IL1RAPL1: variants seen among roughly 807,000 people sequenced by gnomAD.
The protein encoded by IL1RAPL1 is interleukin 1 receptor accessory protein like 1, also known as interleukin-1 receptor accessory protein-like 1.
In IL1RAPL1, 3 loss-of-function variants were observed where a neutral mutation model predicts 48.4. That is an observed-to-expected ratio of 0.06 (90% CI 0.03 to 0.16). IL1RAPL1 has a LOEUF of 0.16. Ranked by LOEUF, IL1RAPL1 falls within the 10% of genes least tolerant of loss-of-function variation. The pLI is 1.00. For synonymous variants in IL1RAPL1, 185 were observed against 187.7 expected, an observed-to-expected ratio of 0.99 and a Z score of 0.12; for missense variants, 349 against 530.6, an observed-to-expected ratio of 0.66 and a Z score of 3.36.
chrX:28,901,528 A>G (rs1489680812), intron 2 of IL1RAPL1, among the ~76,000 whole-genome samples: 2 of 111,199 alleles, frequency 1.8e-5, no homozygotes, highest in Non-Finnish European at 3.8e-5. Context: ...CTTTTCTTCA[A>G]TCCTTCCTGC....
chrX:29,022,402 T>G (rs1425448332), intron 2 of IL1RAPL1, among the ~76,000 whole-genome samples: 1 of 112,034 alleles, frequency 8.9e-6, no homozygotes, highest in Non-Finnish European at 1.9e-5. Context: ...AAAAGTATAT[T>G]TCTTGCTTGA....
intron 2 of IL1RAPL1, among the ~76,000 whole-genome samples, chrX:29,173,304 G>C (rs959143094): frequency 2.7e-5 from 3 of 112,066 alleles, no homozygotes; most frequent in African/African-American, 9.7e-5. Flanking sequence ...CAAGAAAGCT[G>C]TTTTAGGAAT....
intron 3 of IL1RAPL1, among the ~76,000 whole-genome samples, chrX:29,347,991 G>C (rs935812250): frequency 7.2e-5 from 8 of 111,802 alleles, no homozygotes. Context: ...ACAATACTCA[G>C]AGCAGTGTGC....
At chrX:28,970,315 C>CT (rs1219440404) in intron 2 of IL1RAPL1, among the ~76,000 whole-genome samples, 2 of 112,583 alleles carry the variant, frequency 1.8e-5, no homozygotes, top group African/African-American at 3.2e-5. Flanking sequence ...ACTTTTACAT[C>CT]TTTATGTTGA....
At chrX:28,834,602 AATAATAGTAATT>A (rs1243094259) in intron 2 of IL1RAPL1, among the ~76,000 whole-genome samples, 1 of 111,270 alleles carries the variant, frequency 9.0e-6, no homozygotes, top group Non-Finnish European at 1.9e-5. Context: ...AATGTCTAAT[AATAATAGTAATT>A]ATAATGACAA....
intron 2 of IL1RAPL1, among the ~76,000 whole-genome samples, chrX:28,900,753 T>C (rs1390561205): frequency 2.7e-5 from 3 of 111,726 alleles, no homozygotes. Flanking sequence ...GTATTTTTAT[T>C]TGGAAGACTG....
At chrX:29,296,748 T>G (rs1284029194) in intron 3 of IL1RAPL1, among the ~76,000 whole-genome samples, 1 of 111,526 alleles carries the variant, frequency 9.0e-6, no homozygotes, top group African/African-American at 3.3e-5. Context: ...TTTTCAAATA[T>G]TTTAAGTTCC....
chrX:29,036,955 T>G (rs935919335), intron 2 of IL1RAPL1, among the ~76,000 whole-genome samples: 4 of 112,037 alleles, frequency 3.6e-5, no homozygotes, highest in Non-Finnish European at 7.5e-5. Context: ...AACATAATTT[T>G]GAAAGTGCTA....
At chrX:29,296,991 A>T (rs189216361) in intron 3 of IL1RAPL1, among the ~76,000 whole-genome samples, 1 of 111,623 alleles carries the variant, frequency 9.0e-6, no homozygotes, top group East Asian at 2.8e-4. Flanking sequence ...AGGTTATAAA[A>T]TAAAGACTTA....
chrX:28,951,413 T>TAA (rs58992212), intron 2 of IL1RAPL1, among the ~76,000 whole-genome samples: 3,955 of 90,539 alleles, frequency 0.044, 197 homozygotes, highest in African/African-American at 0.14. Flanking sequence ...TGATAAATGG[T>TAA]AAAAAAAAAA....
chrX:29,913,442 A>G (rs1423550169), intron 6 of IL1RAPL1, among the ~76,000 whole-genome samples: 1 of 109,998 alleles, frequency 9.1e-6, no homozygotes, highest in Non-Finnish European at 1.9e-5. Context: ...ATAAACACAC[A>G]TATATATACA....
At chrX:29,428,553 A>G (rs1934377109) in intron 5 of IL1RAPL1, among the ~76,000 whole-genome samples, 1 of 111,108 alleles carries the variant, frequency 9.0e-6, no homozygotes, top group African/African-American at 3.3e-5. Context: ...TTTGTTAAAA[A>G]AAAACTTTAG....
At chrX:29,356,956 T>G (rs1043983317) in intron 3 of IL1RAPL1, among the ~76,000 whole-genome samples, 1 of 111,782 alleles carries the variant, frequency 8.9e-6, no homozygotes, top group African/African-American at 3.3e-5. Flanking sequence ...TTTAAACTAT[T>G]TTAAACACAA....
intron 5 of IL1RAPL1, among the ~76,000 whole-genome samples, chrX:29,660,050 G>A (rs1018125992): frequency 2.2e-4 from 24 of 111,203 alleles, no homozygotes; most frequent in South Asian, 7.7e-4. Context: ...GCAGGAGAGA[G>A]ACAGCGAAGG....
intron 2 of IL1RAPL1, among the ~76,000 whole-genome samples, chrX:29,195,947 C>T (rs1930436222): frequency 9.0e-6 from 1 of 111,428 alleles, no homozygotes; most frequent in Non-Finnish European, 1.9e-5. Flanking sequence ...TCCTAAATTT[C>T]CTAGATAGTA....
Position 29,480,393 on chromosome X carries a change from A to G in IL1RAPL1, c.703+81085A>G, listed in dbSNP as rs769112917. 4.5e-3 allele frequency among the ~76,000 whole-genome samples: 479 copies of G among 105,782 alleles called. 4 individuals are homozygous for G. The highest frequency in any genetic ancestry group is 0.016 in the African/African-American group (463 of 28,730). 91.9% of individuals were successfully genotyped at this position (105,782 alleles called of 115,157 possible). ...ACTCACAACATCGGTTATAACCAAA[A>G]GAATGTGCCATCTTGGCCTGATCTA... is the stretch of plus-strand genomic sequence containing the variant. On this transcript the variant is annotated intron_variant, in intron 5 of 10. Coordinates refer to ENST00000378993, the MANE Select transcript of IL1RAPL1 (RefSeq NM_014271.4).
intron 5 of IL1RAPL1, among the ~76,000 whole-genome samples, chrX:29,468,125 G>T (rs974241658): frequency 8.9e-6 from 1 of 112,475 alleles, no homozygotes; most frequent in Non-Finnish European, 1.9e-5. Context: ...CTCCCAAAGT[G>T]CTGGGATTAC....
intron 1 of IL1RAPL1, among the ~76,000 whole-genome samples, chrX:28,750,627 A>G (rs1318870587): frequency 1.8e-5 from 2 of 111,968 alleles, no homozygotes; most frequent in East Asian, 5.6e-4. Context: ...GAATGATGGA[A>G]TGAGTCATTT....
At chrX:29,314,197 G>T (rs1474449008) in intron 3 of IL1RAPL1, among the ~76,000 whole-genome samples, 2 of 112,011 alleles carry the variant, frequency 1.8e-5, no homozygotes. Flanking sequence ...GTTCTCTGAA[G>T]ACAGTGGTTG....
Sources: gnomAD v4.1 joint callset for allele counts (sites outside exome capture counted in the v4.1 genomes callset) on GRCh38, gnomAD v4.1.1 for gene constraint, MANE v1.5 for transcripts, NCBI Gene and HGNC (gene_info 2026-07-23, HGNC 2026-07-21) for gene names.